The following BCL11B variants were observed in gnomAD, a reference collection of about 807,000 sequenced individuals.
BCL11B encodes the protein B-cell lymphoma/leukemia 11B.
BCL11B carries 8 observed loss-of-function variants against 49.9 expected under a neutral mutation model. The observed-to-expected ratio is 0.16, with a 90% CI of 0.09 to 0.29. The LOEUF (loss-of-function observed/expected upper bound fraction) is 0.29, where lower values mean the gene tolerates loss of function less well. BCL11B is among the 10% of genes least tolerant of loss of function. The pLI is 1.00. For missense variants in BCL11B, 1,006 were observed against 1,351.0 expected (o/e 0.74, Z 4.00); for synonymous variants, 739 against 637.4 (o/e 1.16, Z -2.40).
At chr14:99,181,992 C>T (rs1395180438) in intron 3 of BCL11B, among the ~76,000 whole-genome samples, 1 of 151,630 alleles carries the variant, frequency 6.6e-6, no homozygotes, top group Non-Finnish European at 1.5e-5. Flanking sequence ...AAACTATCCT[C>T]TTTCATGACG....
rs1886795757 is a variant in BCL11B at position 99,184,458 on chromosome 14, C to T, written c.641-8263G>A. Among the ~76,000 whole-genome samples, 1 of 152,216 alleles carries T rather than the reference C, an allele frequency of 6.6e-6. No homozygotes were observed. The highest frequency in any genetic ancestry group is 6.5e-5 in the Admixed American group (1 of 15,282). On this transcript the variant is annotated intron_variant, in intron 3 of 3. Coordinates refer to ENST00000357195, the MANE Select transcript of BCL11B (RefSeq NM_138576.4). This position sits in a 1 kb window ranked among gnomAD's most constrained non-coding sequence, Gnocchi z 6.1. ...GCTGTCAGGTGGATGCTCACAGCCA[C>T]TTTGGAAAGTGGGTTTTAACCCAGG...
Position 99,213,517 on chromosome 14 carries a change from G to A in BCL11B, c.640+17828C>T, listed in dbSNP as rs1887745737. Reference sequence around the variant, plus strand: ...TAATTTTCACTTCTGAGGAATCTGGGCTCAGGGAAATATTGTCTAAGAAAC... The same window carrying A: ...TAATTTTCACTTCTGAGGAATCTGGACTCAGGGAAATATTGTCTAAGAAAC... On this transcript the variant is annotated intron_variant, in intron 3 of 3. Transcript: ENST00000357195. This position sits in a 1 kb window ranked among gnomAD's most constrained non-coding sequence, Gnocchi z 5.1. Among the ~76,000 whole-genome samples, 1 of 152,186 alleles carries A rather than the reference G, an allele frequency of 6.6e-6. No individual in the cohort carries two copies. Among genetic ancestry groups the A allele is most frequent in the Non-Finnish European group, 1.5e-5 (1 of 68,038 alleles).
chr14:99,222,104 T>C (rs1392437928), intron 3 of BCL11B, among the ~76,000 whole-genome samples: 1 of 152,218 alleles, frequency 6.6e-6, no homozygotes, highest in Non-Finnish European at 1.5e-5. Context: ...TGGGTTTAAT[T>C]GTAAAATATA....
chr14:99,235,147 C>T (rs1448558620), intron 2 of BCL11B, among the ~76,000 whole-genome samples: 1 of 152,242 alleles, frequency 6.6e-6, no homozygotes, highest in African/African-American at 2.4e-5. Flanking sequence ...TTCGAGCCTT[C>T]CCCACCCCTG....
At chr14:99,226,711 T>C (rs1284066616) in intron 3 of BCL11B, among the ~76,000 whole-genome samples, 2 of 152,186 alleles carry the variant, frequency 1.3e-5, no homozygotes, top group African/African-American at 4.8e-5. Context: ...CGGCGCCCCA[T>C]TGGACGGCTC....
rs1888710855 is a variant in BCL11B, at chr14:99,242,845, G to A, written c.428-11288C>T. ...AAATGGAGCCCCAATAGGACACTTA[G>A]GCCCTCTGGCTTCCCTAGTGAAGGT... On this transcript the variant is annotated intron_variant, in intron 2 of 3. Coordinates refer to ENST00000357195, the MANE Select transcript of BCL11B (RefSeq NM_138576.4). The surrounding 1 kb of genome is among the most constrained non-coding windows in gnomAD (Gnocchi z 4.4). 6.6e-6 allele frequency among the ~76,000 whole-genome samples: 1 copy of A among 152,224 alleles called. No individual in the cohort carries two copies. The highest frequency in any genetic ancestry group is 1.5e-5 in the Non-Finnish European group (1 of 68,050).
chr14:99,229,057 TG>T (rs1888245590), intron 3 of BCL11B, among the ~76,000 whole-genome samples: 1 of 147,992 alleles, frequency 6.8e-6, no homozygotes, highest in Non-Finnish European at 1.5e-5. Flanking sequence ...GATGGATGGA[TG>T]GATGGATGGA....
chr14:99,229,664 C>G (rs1888271363), intron 3 of BCL11B, among the ~76,000 whole-genome samples: 1 of 152,186 alleles, frequency 6.6e-6, no homozygotes, highest in Non-Finnish European at 1.5e-5. Flanking sequence ...CTAAGTAGGG[C>G]CAACAGAGGG....
chr14:99,202,961 G>A (rs1040472616), intron 3 of BCL11B, among the ~76,000 whole-genome samples: 1 of 152,174 alleles, frequency 6.6e-6, no homozygotes, highest in African/African-American at 2.4e-5. Context: ...CTCTGGGGTC[G>A]GACAGCCGGT....
rs1209943325 is a variant in BCL11B at position 99,174,259 on chromosome 14, G to A, written c.2577C>T (p.Cys859=). The A allele has an allele frequency of 3.7e-6, 6 of 1,613,778 alleles. No homozygotes were observed. Among genetic ancestry groups the A allele is most frequent in the Middle Eastern group, 1.6e-4 (1 of 6,062 alleles). ...TGCTGTAGACGCTGAAGGGCATCTGGCAGATGTCGCAGCGGTACACCTCCT... is the reference window on the plus strand; with the variant it reads ...TGCTGTAGACGCTGAAGGGCATCTGACAGATGTCGCAGCGGTACACCTCCT... The part of the protein sequence containing the change: ...IGKEVYRCDI[C]QMPFSVYSTL... Residue 859 remains cysteine, a synonymous_variant, in exon 4 of 4, where the codon TGC becomes TGT. Transcript: ENST00000357195.
Position 99,175,093 on chromosome 14 carries a change from G to T in BCL11B, c.1743C>A (p.Gly581=), listed in dbSNP as rs1334065341. Residue 581 remains glycine (G), a synonymous_variant, in exon 4 of 4, where the codon GGC becomes GGA. Transcript: ENST00000357195. ...CGTCAGCCAGCGCCTTGGCCGCGCC[G>T]CCCCCCGCGCCCGGGACCCCGGGCA... The part of the protein sequence containing the change: ...GGVPGVPGAG[G]GAAKALADEK... The T allele has an allele frequency of 1.9e-6, 3 of 1,598,080 alleles. No individual in the cohort carries two copies. The highest frequency in any genetic ancestry group is 2.2e-5 in the South Asian group (2 of 90,734).
intron 2 of BCL11B, among the ~76,000 whole-genome samples, chr14:99,235,034 C>G (rs1186048673): frequency 6.6e-6 from 1 of 152,154 alleles, no homozygotes; most frequent in Non-Finnish European, 1.5e-5. Context: ...GGCTCCTGCT[C>G]CGTTCCTCAC....
intron 3 of BCL11B, among the ~76,000 whole-genome samples, chr14:99,181,329 C>T (rs918048207): frequency 3.3e-5 from 5 of 152,254 alleles, no homozygotes; most frequent in African/African-American, 1.2e-4. Context: ...CCCATGCATT[C>T]ACTCACACCA....
chr14:99,195,204 C>T lies in BCL11B; in HGVS notation c.641-19009G>A, dbSNP rs1038987911. On this transcript the variant is annotated intron_variant, in intron 3 of 3. Transcript: ENST00000357195. The surrounding 1 kb of genome is among the most constrained non-coding windows in gnomAD (Gnocchi z 4.7). ...TGCGTTCTCAGGAAAATATGTGGAGCGAACTACCTGGCTTCCTGACCTGTA... is the reference window on the plus strand; with the variant it reads ...TGCGTTCTCAGGAAAATATGTGGAGTGAACTACCTGGCTTCCTGACCTGTA... Among the ~76,000 whole-genome samples, 2 of 152,118 alleles carry T rather than the reference C, an allele frequency of 1.3e-5. No individual in the cohort carries two copies. The highest frequency in any genetic ancestry group is 4.8e-5 in the African/African-American group (2 of 41,414).
At position 99,205,388 on chromosome 14, in the gene BCL11B, T is replaced by G. The variant is rs1403759857; in HGVS notation, c.640+25957A>C. 6.6e-6 allele frequency among the ~76,000 whole-genome samples: 1 copy of G among 152,142 alleles called. No homozygotes were observed. Among genetic ancestry groups the G allele is most frequent in the Non-Finnish European group, 1.5e-5 (1 of 68,020 alleles). On this transcript the variant is annotated intron_variant, in intron 3 of 3. Coordinates refer to ENST00000357195, the MANE Select transcript of BCL11B (RefSeq NM_138576.4). The surrounding 1 kb of genome is among the most constrained non-coding windows in gnomAD (Gnocchi z 5.0). ...GCATTCACTCTGGTGCTCCACAAGTTTGACGGTTTGGGAAAATTCGCGGAC... is the reference window on the plus strand; with the variant it reads ...GCATTCACTCTGGTGCTCCACAAGTGTGACGGTTTGGGAAAATTCGCGGAC...
At chr14:99,221,371 C>T (rs1888002495) in intron 3 of BCL11B, among the ~76,000 whole-genome samples, 1 of 152,208 alleles carries the variant, frequency 6.6e-6, no homozygotes, top group African/African-American at 2.4e-5. Context: ...ATTCCAGCGG[C>T]CCCCGTTTCT....
intron 1 of BCL11B, among the ~76,000 whole-genome samples, chr14:99,259,963 G>C (rs1329843324): frequency 6.6e-6 from 1 of 152,084 alleles, no homozygotes; most frequent in African/African-American, 2.4e-5. Flanking sequence ...GAGCAATACT[G>C]TTTATATTGA....
chr14:99,177,554 A>T (rs2139765498), intron 3 of BCL11B, among the ~76,000 whole-genome samples: 1 of 149,728 alleles, frequency 6.7e-6, no homozygotes, highest in East Asian at 2.0e-4. Flanking sequence ...CTAGCTGGGG[A>T]TGCAAGAGGA....
intron 3 of BCL11B, among the ~76,000 whole-genome samples, chr14:99,202,806 G>A (rs79191993): frequency 6.6e-6 from 1 of 152,168 alleles, no homozygotes; most frequent in Non-Finnish European, 1.5e-5. Context: ...ACAAGCCTGG[G>A]GTCTCATGCA....
Sources: gnomAD v4.1 joint callset for allele counts (sites outside exome capture counted in the v4.1 genomes callset) on GRCh38, gnomAD v4.1.1 for gene constraint, Gnocchi (gnomAD v3.1) non-coding constraint, MANE v1.5 for transcripts, NCBI Gene and HGNC (gene_info 2026-07-23, HGNC 2026-07-21) for gene names.